The following MTA3 variants were observed in gnomAD, a reference collection of about 807,000 sequenced individuals.
MTA3 encodes the protein metastasis associated 1 family member 3.
In MTA3, 34 loss-of-function variants were observed where a neutral mutation model predicts 83.5. That is an observed-to-expected ratio of 0.41 (90% confidence interval 0.31 to 0.54). MTA3 has a LOEUF of 0.54. MTA3 is among the 20% of genes least tolerant of loss of function. The pLI is 0.33. For synonymous variants in MTA3, 303 were observed against 252.7 expected (o/e 1.20, Z -1.89); for missense variants, 761 against 726.4 (o/e 1.05, Z -0.55).
intron 6 of MTA3, among the ~76,000 whole-genome samples, chr2:42,649,065 A>G (rs1573469351): frequency 1.3e-5 from 2 of 152,266 alleles, no homozygotes; most frequent in Admixed American, 1.3e-4. Context: ...CAGCTGTTAC[A>G]GTCTTCTCCC....
chr2:42,544,896 T>C (rs1003908626), intron 2 of MTA3, among the ~76,000 whole-genome samples: 8 of 152,164 alleles, frequency 5.3e-5, no homozygotes, highest in African/African-American at 1.7e-4. Flanking sequence ...TGTCTAGAAT[T>C]TTTGTTAACC....
intron 2 of MTA3, among the ~76,000 whole-genome samples, chr2:42,497,200 C>T (rs1048673429): frequency 1.3e-5 from 2 of 151,678 alleles, no homozygotes; most frequent in African/African-American, 4.8e-5. Flanking sequence ...GAGCAAAACT[C>T]CTCTTGAAAC....
At chr2:42,725,486 A>G (rs1667744498) in intron 16 of MTA3, among the ~76,000 whole-genome samples, 1 of 152,256 alleles carries the variant, frequency 6.6e-6, no homozygotes, top group Admixed American at 6.5e-5. Context: ...AGAAATCAGT[A>G]TGATGGATAT....
chr2:42,669,071 C>T (rs536562869), intron 8 of MTA3, among the ~76,000 whole-genome samples: 1 of 149,670 alleles, frequency 6.7e-6, no homozygotes. Flanking sequence ...GAAGGCACAA[C>T]AGAAAATACA....
chr2:42,640,220 C>T lies in MTA3; in HGVS notation c.365C>T (p.Ser122Leu), dbSNP rs1687586046. 6.2e-7 allele frequency: 1 copy of T among 1,606,604 alleles called. No homozygotes were observed. Among genetic ancestry groups the T allele is most frequent in the Non-Finnish European group, 8.5e-7 (1 of 1,177,024 alleles). The change falls in exon 5 of 17, where the codon TCA (serine) becomes TTA (leucine). Residue 122 changes from serine (S) to leucine (L), a missense_variant. By Grantham distance (145) the Ser-to-Leu change is moderately radical. Coordinates refer to ENST00000405094, the MANE Select transcript of MTA3 (RefSeq NM_001330442.2). ...CTGAATGAGACAGAATCAGTATTGT[C>T]ATATCTTGATAAGGAGGTAATTCAC... ...ALLNETESVL[S>L]YLDKEDTFFY...
chr2:42,577,594 C>G lies in MTA3; in HGVS notation c.97-1513C>G, dbSNP rs181932092. Among the ~76,000 whole-genome samples, 358 of 151,894 alleles carry G rather than the reference C, an allele frequency of 2.4e-3. 2 individuals carry two copies. Among genetic ancestry groups the G allele is most frequent in the African/African-American group, 8.3e-3 (342 of 41,392 alleles). On this transcript the variant is annotated intron_variant, in intron 2 of 16. Coordinates refer to ENST00000405094, the MANE Select transcript of MTA3 (RefSeq NM_001330442.2). ...CTCCCAGGTTCAAGCGATTCTCCTGCCTCAGCCTCCCGAGTAGCTGGGACT... is the reference window on the plus strand; with the variant it reads ...CTCCCAGGTTCAAGCGATTCTCCTGGCTCAGCCTCCCGAGTAGCTGGGACT...
At chr2:42,637,229 G>A (rs891560023) in intron 4 of MTA3, among the ~76,000 whole-genome samples, 1 of 152,184 alleles carries the variant, frequency 6.6e-6, no homozygotes, top group Admixed American at 6.5e-5. Context: ...CTCCTTTGTG[G>A]TTCTGTGTAG....
At chr2:42,595,220 C>T (rs763762953) in intron 3 of MTA3, among the ~76,000 whole-genome samples, 1 of 148,424 alleles carries the variant, frequency 6.7e-6, no homozygotes, top group Non-Finnish European at 1.5e-5. Flanking sequence ...CGCCATTCTC[C>T]TGCCTCAGCC....
rs113793167 is a variant in MTA3, at chr2:42,756,428, C to G, written c.*3029C>G. 1.0e-6 allele frequency: 1 copy of G among 983,178 alleles called. No individual in the cohort carries two copies. The highest frequency in any genetic ancestry group is 1.2e-6 in the Non-Finnish European group (1 of 827,996). The allele number at this position is 983,178 out of a possible 1,614,324, so 60.9% of individuals were successfully genotyped here. A position where few individuals can be genotyped will look rare whatever the true frequency, so the allele number is the denominator to read the frequency against. On this transcript the variant is annotated 3_prime_UTR_variant, in exon 17 of 17. Coordinates refer to ENST00000405094, the MANE Select transcript of MTA3 (RefSeq NM_001330442.2). ...GACAGGCGACCCACCGGGTCAGTCC[C>G]CTGCCACTCAGAGCAGAGCAGGGGG... is the stretch of plus-strand genomic sequence containing the variant.
At position 42,753,722 on chromosome 2, in the gene MTA3, A is replaced by T; in HGVS notation, c.*323A>T. ...AGCGCCCTGCGCCCCACCCAGCAACAGCGGCCACTTGGCAGTGGGGCTGCT... is the reference window on the plus strand; with the variant it reads ...AGCGCCCTGCGCCCCACCCAGCAACTGCGGCCACTTGGCAGTGGGGCTGCT... On this transcript the variant is annotated 3_prime_UTR_variant, in exon 17 of 17. Coordinates refer to ENST00000405094, the MANE Select transcript of MTA3 (RefSeq NM_001330442.2). 1 of 1,176,090 alleles carries T rather than the reference A, an allele frequency of 8.5e-7. No individual in the cohort carries two copies. Among genetic ancestry groups the T allele is most frequent in the Non-Finnish European group, 1.1e-6 (1 of 944,104 alleles). The allele number at this position is 1,176,090 out of a possible 1,614,324, so 72.9% of individuals were successfully genotyped here.
chr2:42,628,375 C>T (rs1226679393), intron 4 of MTA3, among the ~76,000 whole-genome samples: 4 of 152,044 alleles, frequency 2.6e-5, no homozygotes, highest in Non-Finnish European at 4.4e-5. Context: ...GGATTACAGG[C>T]GCCCACCAGC....
chr2:42,565,349 CT>C (rs773703863), upstream of MTA3, among the ~76,000 whole-genome samples: 1,215 of 133,820 alleles, frequency 9.1e-3, 1 homozygote, highest in Middle Eastern at 0.031. Flanking sequence ...AACTGGCTAA[CT>C]TTTTTTTTTT....
At chr2:42,620,621 T>G (rs1160422589) in intron 4 of MTA3, among the ~76,000 whole-genome samples, 1 of 152,186 alleles carries the variant, frequency 6.6e-6, no homozygotes, top group Non-Finnish European at 1.5e-5. Context: ...GCCTCCCAAT[T>G]AGCTTGGACC....
intron 2 of MTA3, among the ~76,000 whole-genome samples, chr2:42,518,901 A>G (rs1675281341): frequency 6.6e-6 from 1 of 151,098 alleles, no homozygotes; most frequent in South Asian, 2.1e-4. Flanking sequence ...TCGAGGTTGA[A>G]GCTACAGTGA....
rs1692030541 is a variant in MTA3, at chr2:42,682,648, A to G, written c.891+59A>G. On this transcript the variant is annotated intron_variant, in intron 9 of 16. Coordinates refer to ENST00000405094, the MANE Select transcript of MTA3 (RefSeq NM_001330442.2). ...GAGATGGGAATATTCTGTTTTAGAA[A>G]TCTGGTAAACCTTACAGTATTCATT... The G allele has an allele frequency of 5.5e-6, 8 of 1,464,442 alleles. No individual in the cohort carries two copies. In the East Asian group the frequency reaches 1.9e-4, roughly 36 times the overall value. The allele number at this position is 1,464,442 out of a possible 1,614,324, so 90.7% of individuals were successfully genotyped here. A position where few individuals can be genotyped will look rare whatever the true frequency, so the allele number is the denominator to read the frequency against.
At chr2:42,567,929 C>A (rs977450949), upstream of MTA3, 1 of 152,288 alleles carries the variant, frequency 6.6e-6, no homozygotes, top group Non-Finnish European at 1.5e-5. Context: ...AGAGCCAGGG[C>A]CTCCATCTGG....
intron 16 of MTA3, among the ~76,000 whole-genome samples, chr2:42,731,628 T>C (rs1356855141): frequency 6.6e-6 from 1 of 152,082 alleles, no homozygotes; most frequent in Non-Finnish European, 1.5e-5. Context: ...TTCTGGGAGA[T>C]ACAATTCAAG....
At chr2:42,548,193 G>A (rs1173496049) in intron 2 of MTA3, among the ~76,000 whole-genome samples, 2 of 152,154 alleles carry the variant, frequency 1.3e-5, no homozygotes, top group Admixed American at 6.6e-5. Flanking sequence ...GGCCGGGCGC[G>A]CTGGCTCATG....
chr2:42,729,216 C>T (rs934838000), intron 16 of MTA3, among the ~76,000 whole-genome samples: 2 of 150,122 alleles, frequency 1.3e-5, no homozygotes, highest in African/African-American at 4.9e-5. Flanking sequence ...CCTGCCTCAG[C>T]CTACCCAGTA....
Sources: gnomAD v4.1 joint callset for allele counts (sites outside exome capture counted in the v4.1 genomes callset) on GRCh38, gnomAD v4.1.1 for gene constraint, MANE v1.5 for transcripts, NCBI Gene and HGNC (gene_info 2026-07-23, HGNC 2026-07-21) for gene names.